Variants in ASAP1 observed in about 807,000 individuals in gnomAD.
The protein encoded by ASAP1 is ArfGAP with SH3 domain, ankyrin repeat and PH domain 1.
ASAP1 carries 43 observed loss-of-function variants against 145.2 expected under a neutral mutation model. The ratio of observed to expected loss-of-function variants is 0.30; its 90% CI spans 0.23 to 0.38. The LOEUF (loss-of-function observed/expected upper bound fraction) is 0.38. Among genes scored for constraint, ASAP1 ranks in the 10% least tolerant of loss-of-function variants. The pLI is 1.00. For synonymous variants in ASAP1, 546 were observed against 515.5 expected, an observed-to-expected ratio of 1.06 and a Z score of -0.80; for missense variants, 1,018 against 1,355.3, an observed-to-expected ratio of 0.75 and a Z score of 3.91.
intron 2 of ASAP1, among the ~76,000 whole-genome samples, chr8:130,395,673 C>CT (rs35746850): frequency 0.31 from 46,693 of 148,720 alleles, 7,354 homozygotes; most frequent in Middle Eastern, 0.37. Flanking sequence ...CAATACATTT[C>CT]TTTTTTTTTT....
chr8:130,160,219 A>G (rs2097666196), intron 11 of ASAP1, among the ~76,000 whole-genome samples: 1 of 152,184 alleles, frequency 6.6e-6, no homozygotes, highest in Non-Finnish European at 1.5e-5. Context: ...TCTACTCTGA[A>G]CTGAATTCAA....
chr8:130,257,000 C>T (rs926601363), intron 3 of ASAP1, among the ~76,000 whole-genome samples: 2 of 151,478 alleles, frequency 1.3e-5, no homozygotes, highest in African/African-American at 4.8e-5. Flanking sequence ...ATCATTTCTT[C>T]CCTTTTTTAA....
chr8:130,320,417 T>C (rs963928821), intron 3 of ASAP1, among the ~76,000 whole-genome samples: 1 of 151,980 alleles, frequency 6.6e-6, no homozygotes, highest in Non-Finnish European at 1.5e-5. Context: ...TTAGCTGGTG[T>C]GGTGGTACTT....
intron 3 of ASAP1, among the ~76,000 whole-genome samples, chr8:130,311,775 A>AAAAAAAAAAAAAAAC (rs796803091): frequency 4.0e-5 from 6 of 148,684 alleles, no homozygotes; most frequent in South Asian, 4.3e-4. Context: ...AAAAAAAAAA[A>AAAAAAAAAAAAAAAC]GGCAAAATAA....
chr8:130,427,081 G>A (rs973347100), intron 1 of ASAP1, among the ~76,000 whole-genome samples: 3 of 152,196 alleles, frequency 2.0e-5, no homozygotes, highest in African/African-American at 7.2e-5. Context: ...GGGCAGAGAC[G>A]GCAGAGCAGG....
At chr8:130,309,476 A>C (rs1823195260) in intron 3 of ASAP1, among the ~76,000 whole-genome samples, 1 of 152,194 alleles carries the variant, frequency 6.6e-6, no homozygotes. Context: ...GGCTGACATG[A>C]ATGGACACAT....
intron 1 of ASAP1, among the ~76,000 whole-genome samples, chr8:130,426,162 C>T (rs1006707537): frequency 2.0e-5 from 3 of 152,004 alleles, no homozygotes; most frequent in African/African-American, 7.2e-5. Flanking sequence ...TAAACTCTCC[C>T]GAGATCCGCT....
chr8:130,151,779 G>GT (rs2097646904), intron 13 of ASAP1, among the ~76,000 whole-genome samples: 1 of 152,238 alleles, frequency 6.6e-6, no homozygotes, highest in African/African-American at 2.4e-5. Context: ...AACAGGACTA[G>GT]TAAGTGCCCA....
intron 7 of ASAP1, 113 bp downstream of exon 7, chr8:130,187,123 A>ATT: frequency 1.2e-6 from 1 of 863,846 alleles, no homozygotes; most frequent in South Asian, 1.6e-5. Flanking sequence ...TTTTGTTGAG[A>ATT]AGTTATTAGT....
In ASAP1 at chr8:130,115,636, C is replaced by A. The variant is rs2097554424; in HGVS notation, c.2164G>T (p.Asp722Tyr). Residue 722 changes from aspartate to tyrosine, a missense_variant, in exon 23 of 30, where the codon GAT (aspartate) becomes TAT (tyrosine). Around this residue, in one of 9 missense-constraint regions of ASAP1, gnomAD observed 353 missense variants for 375.4 expected, o/e 0.94. Transcript: ENST00000518721. ...EEIDESDDDLDDKPSPIKKER... is the reference protein window; with the variant it reads ...EEIDESDDDLYDKPSPIKKER... ...ACATAATTTACACTCACTTTGTCAT[C>A]CAGATCATCATCGCTCTCATCTATC... 6.2e-7 allele frequency: 1 copy of A among 1,612,668 alleles called. No homozygotes were observed. The highest frequency in any genetic ancestry group is 8.5e-7 in the Non-Finnish European group (1 of 1,178,792).
intron 3 of ASAP1, among the ~76,000 whole-genome samples, chr8:130,319,864 G>T: frequency 6.6e-6 from 1 of 152,148 alleles, no homozygotes; most frequent in Admixed American, 6.5e-5. Flanking sequence ...AAACTTTCTA[G>T]GTGAAAAAGG....
rs187648814 is a variant in ASAP1, at chr8:130,227,307, C to T, written c.259+9615G>A. On this transcript the variant is annotated intron_variant, in intron 4 of 29. Coordinates refer to ENST00000518721, the MANE Select transcript of ASAP1 (RefSeq NM_018482.4). ...TCACTCTGTTGCGCAGGTTGGAGCA[C>T]ACTGGCGCAATTACAGCTCACTGCA... Among the ~76,000 whole-genome samples, 47 of 152,146 alleles carry T rather than the reference C, an allele frequency of 3.1e-4. 1 individual carries two copies. The East Asian group carries it at 6.2e-3, about 20-fold the overall frequency.
At chr8:130,362,740 G>C (rs977681014) in intron 2 of ASAP1, among the ~76,000 whole-genome samples, 51 of 152,174 alleles carry the variant, frequency 3.4e-4, no homozygotes. Context: ...AGTATCCTTT[G>C]TTAGGTCAGA....
intron 9 of ASAP1, among the ~76,000 whole-genome samples, chr8:130,171,844 A>G (rs1381774203): frequency 6.6e-6 from 1 of 152,224 alleles, no homozygotes; most frequent in African/African-American, 2.4e-5. Flanking sequence ...CCTCTACATC[A>G]AGGAAGGGAT....
At chr8:130,288,490 G>A (rs957841262) in intron 3 of ASAP1, among the ~76,000 whole-genome samples, 1 of 152,200 alleles carries the variant, frequency 6.6e-6, no homozygotes, top group Non-Finnish European at 1.5e-5. Context: ...TGCATTTACA[G>A]AGCACTGCCA....
At chr8:130,089,848 T>TA (rs1193099421) in intron 25 of ASAP1, among the ~76,000 whole-genome samples, 2 of 152,252 alleles carry the variant, frequency 1.3e-5, no homozygotes, top group Non-Finnish European at 1.5e-5. Flanking sequence ...AAAAAAAATT[T>TA]AAATTGTTTT....
At chr8:130,138,728 C>T (rs569405340) in intron 13 of ASAP1, among the ~76,000 whole-genome samples, 5 of 149,968 alleles carry the variant, frequency 3.3e-5, no homozygotes, top group Admixed American at 6.7e-5. Context: ...CCCAGCTACT[C>T]GGGAGGCTGA....
At chr8:130,143,484 A>T (rs1314067017) in intron 13 of ASAP1, among the ~76,000 whole-genome samples, 1 of 151,690 alleles carries the variant, frequency 6.6e-6, no homozygotes, top group Non-Finnish European at 1.5e-5. Context: ...CCAATTAACA[A>T]TATACACAGA....
chr8:130,086,451 G>A lies in ASAP1; in HGVS notation c.2572+5522C>T, dbSNP rs936356292. On this transcript the variant is annotated intron_variant, in intron 25 of 29. Coordinates refer to ENST00000518721, the MANE Select transcript of ASAP1 (RefSeq NM_018482.4). ...ATATTACGTACGTAGTTTTTTATCCGAAGATTCTAAAATAATGAATTGTCA... is the reference window on the plus strand; with the variant it reads ...ATATTACGTACGTAGTTTTTTATCCAAAGATTCTAAAATAATGAATTGTCA... Among the ~76,000 whole-genome samples the A allele has an allele frequency of 3.9e-5, 6 of 152,292 alleles. No individual in the cohort carries two copies. In the South Asian group the frequency reaches 6.2e-4, roughly 16 times the overall value.
Sources: allele counts gnomAD v4.1 joint callset (sites outside exome capture counted in the v4.1 genomes callset), GRCh38; gene constraint gnomAD v4.1.1; regional missense constraint gnomAD v4.1.1; transcripts MANE v1.5; gene names NCBI Gene and HGNC (gene_info 2026-07-23, HGNC 2026-07-21).